CD8B2: variants seen among roughly 807,000 people sequenced by gnomAD.
The protein encoded by CD8B2 is T-cell surface glycoprotein CD8 beta-2 chain.
In CD8B2, 11 loss-of-function variants were observed where a neutral mutation model predicts 23.7. The ratio of observed to expected loss-of-function variants is 0.46; its 90% CI spans 0.29 to 0.77. The LOEUF is 0.77. Ranked by LOEUF, CD8B2 falls within the 30% of genes least tolerant of loss-of-function variation. The pLI, the probability that CD8B2 is intolerant of heterozygous loss-of-function variation, is 0.09. For synonymous variants in CD8B2, 90 were observed against 109.3 expected (o/e 0.82, Z 1.10); for missense variants, 197 against 270.5 (o/e 0.73, Z 1.91).
intron 5 of CD8B2, among the ~76,000 whole-genome samples, chr2:106,539,551 C>CA (rs1680141499): frequency 6.6e-6 from 1 of 152,176 alleles, no homozygotes; most frequent in African/African-American, 2.4e-5. Flanking sequence ...TAGGGGGCCA[C>CA]ACGGGGCTGC....
In CD8B2 at chr2:106,507,935, G is replaced by T. The variant is rs1679543952; in HGVS notation, c.*995G>T. The T allele has an allele frequency of 2.0e-5, 3 of 148,906 alleles. No individual in the cohort carries two copies. The highest frequency in any genetic ancestry group is 7.5e-5 in the African/African-American group (3 of 40,200). The allele number at this position is 148,906 out of a possible 1,614,324, so 9.2% of individuals were successfully genotyped here. ...ATTTCTACCGCGGGTTGAACCGCAG[G>T]GATCCCTGGCTTCAAGTCAGGCACC... is the stretch of plus-strand genomic sequence containing the variant. On this transcript the variant is annotated 3_prime_UTR_variant, in exon 6 of 6. Coordinates refer to ENST00000643224, the MANE Select transcript of CD8B2 (RefSeq NM_001349727.2).
At chr2:106,534,892 C>T (rs1680062860) in intron 5 of CD8B2, among the ~76,000 whole-genome samples, 2 of 152,098 alleles carry the variant, frequency 1.3e-5, no homozygotes, top group African/African-American at 4.8e-5. Flanking sequence ...GATCTTGGCT[C>T]ACTGCAACCT....
In CD8B2 at chr2:106,496,200, C is replaced by T. The variant is rs1679296261; in HGVS notation, c.431C>T (p.Pro144Leu). Residue 144 changes from proline (P) to leucine (L), a missense_variant, in exon 3 of 6, where the codon CCC (proline) becomes CTC (leucine). By Grantham distance (98) the Pro-to-Leu change is moderately conservative. Transcript: ENST00000643224. ...GATTTCCTTCCCACCACTGCCCAGCCCACCAAGAAGTCCACCCTCAAGAAG... is the reference window on the plus strand; with the variant it reads ...GATTTCCTTCCCACCACTGCCCAGCTCACCAAGAAGTCCACCCTCAAGAAG... ...VVDFLPTTAQ[P>L]TKKSTLKKRV... The T allele has an allele frequency of 5.8e-6, 9 of 1,545,122 alleles. No individual in the cohort carries two copies. The South Asian group carries it at 1.1e-4, about 18-fold the overall frequency.
intron 5 of CD8B2, among the ~76,000 whole-genome samples, chr2:106,517,740 T>G (rs1405822786): frequency 6.6e-6 from 1 of 151,788 alleles, no homozygotes; most frequent in African/African-American, 2.4e-5. Context: ...TGAGACAGGG[T>G]GTCGCTCCGT....
Position 106,508,936 on chromosome 2 carries a change from GCC to G in CD8B2, c.*2000_*2001del, listed in dbSNP as rs59618614. On this transcript the variant is annotated 3_prime_UTR_variant, in exon 6 of 6. Coordinates refer to ENST00000643224, the MANE Select transcript of CD8B2 (RefSeq NM_001349727.2). ...TACGTTAATTGGCCTTAGATGCCCTGCCCCCAGACCCAGGTGTTTTCCGTTTG... is the reference window on the plus strand; with the variant it reads ...TACGTTAATTGGCCTTAGATGCCCTGCCCAGACCCAGGTGTTTTCCGTTTG... 1 of 151,514 alleles carries G rather than the reference GCC, an allele frequency of 6.6e-6. No homozygotes were observed. Among genetic ancestry groups the G allele is most frequent in the African/African-American group, 2.4e-5 (1 of 41,168 alleles). The allele number at this position is 151,514 out of a possible 1,614,324, so 9.4% of individuals were successfully genotyped here. A position where few individuals can be genotyped will look rare whatever the true frequency, so the allele number is the denominator to read the frequency against.
chr2:106,502,724 C>T (rs976485224), intron 4 of CD8B2, among the ~76,000 whole-genome samples, 161 bp downstream of exon 4: 3 of 152,126 alleles, frequency 2.0e-5, no homozygotes, highest in African/African-American at 4.8e-5. Context: ...CCTGGGGCTA[C>T]GCAGCCAAAA....
intron 5 of CD8B2, among the ~76,000 whole-genome samples, chr2:106,530,076 G>A (rs1367908199): frequency 1.3e-5 from 2 of 152,216 alleles, no homozygotes; most frequent in Non-Finnish European, 2.9e-5. Context: ...AGAAGGTAGT[G>A]GATGCCAGCA....
At chr2:106,516,147 G>A (rs1332695591) in intron 5 of CD8B2, among the ~76,000 whole-genome samples, 1 of 152,024 alleles carries the variant, frequency 6.6e-6, no homozygotes, top group Non-Finnish European at 1.5e-5. Flanking sequence ...CTTTTTTGAA[G>A]GTTTGAGCAT....
chr2:106,534,081 T>G (rs1680050058), intron 5 of CD8B2, among the ~76,000 whole-genome samples: 1 of 152,224 alleles, frequency 6.6e-6, no homozygotes, highest in Admixed American at 6.5e-5. Context: ...AATCCCAGTC[T>G]GCAGAGCAGG....
At chr2:106,525,356 G>A (rs1679892330) in intron 5 of CD8B2, among the ~76,000 whole-genome samples, 1 of 152,166 alleles carries the variant, frequency 6.6e-6, no homozygotes, top group South Asian at 2.1e-4. Flanking sequence ...ATTCCACACA[G>A]GTCTTGGGCA....
exon 6 of CD8B2, chr2:106,544,236 G>T (rs762510896): frequency 1.5e-5 from 6 of 395,360 alleles, no homozygotes; most frequent in Non-Finnish European, 2.7e-5. Context: ...TATTTGAATA[G>T]GTTTTTGAAT....
Position 106,517,426 on chromosome 2 carries a change from C to T in CD8B2, c.620+13101C>T, listed in dbSNP as rs1007776816. On this transcript the variant is annotated intron_variant, in intron 5 of 5. Coordinates refer to the CD8B2 transcript ENST00000416057. ...CATTTTTGTTTCTTTAACAGTATAC[C>T]GGCCACGCCACTTCCATGCTAAGAC... 4.6e-5 allele frequency among the ~76,000 whole-genome samples: 7 copies of T among 152,126 alleles called. No individual in the cohort carries two copies. The East Asian group carries it at 1.4e-3, about 29-fold the overall frequency.
chr2:106,531,625 A>AT (rs926836714), intron 5 of CD8B2, among the ~76,000 whole-genome samples: 2 of 152,090 alleles, frequency 1.3e-5, no homozygotes, highest in Non-Finnish European at 2.9e-5. Flanking sequence ...TGGGAAATGT[A>AT]TGGGATTCAC....
At chr2:106,531,772 C>T (rs1679992762) in intron 5 of CD8B2, among the ~76,000 whole-genome samples, 1 of 152,196 alleles carries the variant, frequency 6.6e-6, no homozygotes. Flanking sequence ...TTAAAGTGTC[C>T]TGCACTTTCT....
downstream of CD8B2, among the ~76,000 whole-genome samples, chr2:106,512,186 G>A (rs1212875682): frequency 1.3e-5 from 2 of 151,684 alleles, no homozygotes; most frequent in Admixed American, 1.3e-4. Flanking sequence ...AGCGATCCTT[G>A]CACCTCAGCC....
chr2:106,507,152 C>T lies in CD8B2; in HGVS notation c.*212C>T. The T allele has an allele frequency of 7.1e-7, 1 of 1,411,330 alleles. No homozygotes were observed. Among genetic ancestry groups the T allele is most frequent in the Non-Finnish European group, 9.3e-7 (1 of 1,079,280 alleles). 87.4% of individuals were successfully genotyped at this position (1,411,330 alleles called of 1,614,324 possible). On this transcript the variant is annotated 3_prime_UTR_variant, in exon 6 of 6. Transcript: ENST00000643224. ...ATCGGGAATACTAGGGAGAAGGTTT[C>T]ATTGCCCCCAGGGCACTTCACAGAG...
At chr2:106,531,678 G>T (rs940086458) in intron 5 of CD8B2, among the ~76,000 whole-genome samples, 3 of 152,170 alleles carry the variant, frequency 2.0e-5, no homozygotes, top group Non-Finnish European at 4.4e-5. Flanking sequence ...GGTCACTGCT[G>T]CACCCTGGCT....
intron 5 of CD8B2, among the ~76,000 whole-genome samples, chr2:106,521,224 C>G (rs1679821523): frequency 6.6e-6 from 1 of 152,108 alleles, no homozygotes; most frequent in Admixed American, 6.5e-5. Flanking sequence ...CCACCACACT[C>G]TAATCGTATT....
At chr2:106,502,616 T>G in intron 4 of CD8B2, 53 bp downstream of exon 4, 1 of 964,152 alleles carries the variant, frequency 1.0e-6, no homozygotes, top group Non-Finnish European at 1.5e-6. Flanking sequence ...GTTTGAAGTG[T>G]CCCTGGGATA....
Sources: allele counts gnomAD v4.1 joint callset (sites outside exome capture counted in the v4.1 genomes callset), GRCh38; gene constraint gnomAD v4.1.1; transcripts MANE v1.5; gene names NCBI Gene and HGNC (gene_info 2026-07-23, HGNC 2026-07-21).